XRCC5: variants seen among roughly 807,000 people sequenced by gnomAD.
The protein encoded by XRCC5 is DNA repair protein Ku80.
In XRCC5, 12 loss-of-function variants were observed where a neutral mutation model predicts 95.7. That is an observed-to-expected ratio of 0.13 (90% confidence interval 0.08 to 0.20). The LOEUF is 0.20. Among genes scored for constraint, XRCC5 ranks in the 10% least tolerant of loss-of-function variants. The pLI is 1.00. For synonymous variants in XRCC5, 281 were observed against 290.3 expected, an observed-to-expected ratio of 0.97 and a Z score of 0.33; for missense variants, 595 against 873.9, an observed-to-expected ratio of 0.68 and a Z score of 4.02.
chr2:216,156,726 T>G (rs1688850049), intron 14 of XRCC5: 2 of 536,856 alleles, frequency 3.7e-6, no homozygotes, highest in South Asian at 2.8e-5. Context: ...ACAAGATTTA[T>G]TCCTCAAATG....
chr2:216,127,500 CTT>C, intron 7 of XRCC5, 34 bp from the exon 8 acceptor site: 1 of 1,561,914 alleles, frequency 6.4e-7, no homozygotes, highest in African/African-American at 1.4e-5. Context: ...GGAATCCTAA[CTT>C]TCCTTGTTTT....
intron 16 of XRCC5, among the ~76,000 whole-genome samples, chr2:216,185,003 G>T (rs1225355004): frequency 6.6e-6 from 1 of 152,182 alleles, no homozygotes; most frequent in African/African-American, 2.4e-5. Flanking sequence ...AGAGATACTG[G>T]TGGGAAGTAG....
Position 216,192,876 on chromosome 2 carries a change from C to G in XRCC5, c.2041+141C>G, listed in dbSNP as rs41296747. 6.4e-4 allele frequency: 366 copies of G among 570,208 alleles called. No homozygotes were observed. The African/African-American group carries it at 6.8e-3, about 11-fold the overall frequency. 35.3% of individuals were successfully genotyped at this position (570,208 alleles called of 1,614,324 possible). On this transcript the variant is annotated intron_variant, in intron 18 of 20. Transcript: ENST00000392132. ...GGAAACATGATGACTTTCTACATGG[C>G]TTTGGGAAATGCTCAGTGTTCGGTG... is the stretch of plus-strand genomic sequence containing the variant.
chr2:216,154,490 A>G (rs1383617080), intron 14 of XRCC5, among the ~76,000 whole-genome samples: 1 of 152,198 alleles, frequency 6.6e-6, no homozygotes, highest in Non-Finnish European at 1.5e-5. Flanking sequence ...AGGCCTTCTC[A>G]TTTTAGCCTG....
chr2:216,205,235 C>A lies in XRCC5; in HGVS notation c.*33C>A, dbSNP rs1443398095. 1.2e-6 allele frequency: 2 copies of A among 1,613,760 alleles called. No homozygotes were observed. The highest frequency in any genetic ancestry group is 2.2e-5 in the East Asian group (1 of 44,890). ...ATGTATGGGGAATCTAAGAGAGCTG[C>A]CATCGCTGTGATGCTGGGAGTTCTA... On this transcript the variant is annotated 3_prime_UTR_variant, in exon 21 of 21. Transcript: ENST00000392132.
intron 5 of XRCC5, 32 bp downstream of exon 5, chr2:216,119,197 AT>A: frequency 6.2e-7 from 1 of 1,612,172 alleles, no homozygotes; most frequent in Non-Finnish European, 8.5e-7. Flanking sequence ...ATGTAGACAA[AT>A]CCTATGATTT....
chr2:216,149,032 T>C (rs1688694221), intron 14 of XRCC5, among the ~76,000 whole-genome samples: 2 of 152,234 alleles, frequency 1.3e-5, no homozygotes, highest in Admixed American at 1.3e-4. Flanking sequence ...GAATAATCTA[T>C]ACATTTCTTT....
intron 2 of XRCC5, among the ~76,000 whole-genome samples, chr2:216,114,022 G>A (rs1017693395): frequency 6.6e-6 from 1 of 152,176 alleles, no homozygotes; most frequent in African/African-American, 2.4e-5. Flanking sequence ...AGAAAGAACG[G>A]ATGGTGGCTA....
In XRCC5 at chr2:216,148,003, T is replaced by C. The variant is rs186946525; in HGVS notation, c.1477-80T>C. On this transcript the variant is annotated intron_variant, in intron 13 of 20. Coordinates refer to ENST00000392132, the MANE Select transcript of XRCC5 (RefSeq NM_021141.4). ...TCACTTAGCCCTCCCACACTAAAGA[T>C]GGAGGATCCCTGATCAGAAAATATA... is the stretch of plus-strand genomic sequence containing the variant. The C allele has an allele frequency of 9.6e-6, 14 of 1,452,698 alleles. No homozygotes were observed. The African/African-American group carries it at 1.9e-4, about 19-fold the overall frequency. 90.0% of individuals were successfully genotyped at this position (1,452,698 alleles called of 1,614,324 possible).
chr2:216,163,198 G>A (rs1688986522), intron 16 of XRCC5, among the ~76,000 whole-genome samples: 1 of 151,880 alleles, frequency 6.6e-6, no homozygotes, highest in Admixed American at 6.5e-5. Context: ...GCAGTGGCAG[G>A]ATCATAGCTC....
In XRCC5 at chr2:216,141,284, A is replaced by G; in HGVS notation, c.1441A>G (p.Lys481Glu). The G allele has an allele frequency of 1.2e-6, 2 of 1,614,078 alleles. No homozygotes were observed. Among genetic ancestry groups the G allele is most frequent in the African/African-American group, 2.7e-5 (2 of 75,054 alleles). The change falls in exon 13 of 21, where the codon AAA becomes GAA. Residue 481 changes from lysine (K) to glutamate (E), a missense_variant. Coordinates refer to ENST00000392132, the MANE Select transcript of XRCC5 (RefSeq NM_021141.4). ...CCTTGAAGACTTGTTTCCAACCACC[A>G]AAATCCCAAATCCTCGATTTCAGAG... ...DTLEDLFPTT[K>E]IPNPRFQRLF...
intron 8 of XRCC5, chr2:216,130,606 G>A: frequency 3.6e-6 from 1 of 277,106 alleles, no homozygotes; most frequent in Non-Finnish European, 6.7e-6. Context: ...TTTAGGCTGG[G>A]TAATCATTGA....
intron 13 of XRCC5, among the ~76,000 whole-genome samples, chr2:216,144,433 C>T (rs1688579631): frequency 6.6e-6 from 1 of 152,120 alleles, no homozygotes; most frequent in African/African-American, 2.4e-5. Context: ...CAGTGGCCCA[C>T]TTGAAGGCTT....
chr2:216,134,950 G>C (rs1056724530), intron 10 of XRCC5, among the ~76,000 whole-genome samples: 2 of 152,148 alleles, frequency 1.3e-5, no homozygotes, highest in African/African-American at 4.8e-5. Flanking sequence ...CAAGGACTTG[G>C]CTTTGTTTTT....
chr2:216,112,585 A>G (rs926364642), intron 1 of XRCC5, among the ~76,000 whole-genome samples: 1 of 152,248 alleles, frequency 6.6e-6, no homozygotes, highest in African/African-American at 2.4e-5. Flanking sequence ...AATGCTTCAT[A>G]ACAAATTATG....
chr2:216,151,233 A>G (rs1433465549), intron 14 of XRCC5, among the ~76,000 whole-genome samples: 1 of 152,230 alleles, frequency 6.6e-6, no homozygotes, highest in Non-Finnish European at 1.5e-5. Context: ...GACCCAAAAT[A>G]TACTAAATAT....
chr2:216,163,761 T>TTCC (rs1688998361), intron 16 of XRCC5, among the ~76,000 whole-genome samples: 1 of 152,220 alleles, frequency 6.6e-6, no homozygotes, highest in African/African-American at 2.4e-5. Flanking sequence ...GCTTACAGTC[T>TTCC]ACCAGGCTTA....
At chr2:216,199,074 T>C (rs1689787294) in intron 19 of XRCC5, among the ~76,000 whole-genome samples, 1 of 152,256 alleles carries the variant, frequency 6.6e-6, no homozygotes, top group Middle Eastern at 3.2e-3. Context: ...TATTCATTTA[T>C]ATTGCCTTCA....
At chr2:216,171,089 C>T (rs1356217117) in intron 16 of XRCC5, among the ~76,000 whole-genome samples, 1 of 152,196 alleles carries the variant, frequency 6.6e-6, no homozygotes, top group Non-Finnish European at 1.5e-5. Flanking sequence ...CGCTCTTAAC[C>T]AATTAAGATA....
Sources: allele counts gnomAD v4.1 joint callset (sites outside exome capture counted in the v4.1 genomes callset), GRCh38; gene constraint gnomAD v4.1.1; transcripts MANE v1.5; gene names NCBI Gene and HGNC (gene_info 2026-07-23, HGNC 2026-07-21).